Variants in MCF2L2 observed in about 807,000 individuals in gnomAD.
MCF2L2 encodes MCF.2 cell line derived transforming sequence-like 2.
MCF2L2 carries 102 observed loss-of-function variants against 150.2 expected under a neutral mutation model. The observed-to-expected ratio is 0.68, with a 90% CI of 0.58 to 0.80. The LOEUF (loss-of-function observed/expected upper bound fraction) is 0.80. Among genes scored for constraint, MCF2L2 ranks in the 30% least tolerant of loss-of-function variants. The pLI, the probability that MCF2L2 is intolerant of heterozygous loss-of-function variation, is 0.00. For missense variants in MCF2L2, 1,256 were observed against 1,372.8 expected (o/e 0.91, Z 1.34); for synonymous variants, 465 against 491.3 (o/e 0.95, Z 0.71).
chr3:183,427,943 T>TG lies in MCF2L2; in HGVS notation c.34dup (p.Gln12ProfsTer16), dbSNP rs1228175604. On this transcript the variant is annotated frameshift_variant, in exon 1 of 30. Transcript: ENST00000328913. LOFTEE classifies it high-confidence loss of function. ...TGTGGCCAGTCGCCGGGTGAGCTCCTGGGGAGGCATCTCTTCTTTTAAGCA... is the reference window on the plus strand; with the variant it reads ...TGTGGCCAGTCGCCGGGTGAGCTCCTGGGGGAGGCATCTCTTCTTTTAAGCA... The TG allele has an allele frequency of 8.1e-6, 13 of 1,613,806 alleles. No individual in the cohort carries two copies. Among genetic ancestry groups the TG allele is most frequent in the Non-Finnish European group, 1.1e-5 (13 of 1,179,908 alleles).
Position 183,295,481 on chromosome 3 carries a change from C to T in MCF2L2, c.1498-4G>A, listed in dbSNP as rs201478200. On this transcript the variant is annotated splice_region_variant and splice_polypyrimidine_tract_variant and intron_variant, in intron 12 of 29. Coordinates refer to ENST00000328913, the MANE Select transcript of MCF2L2 (RefSeq NM_015078.4). ...GCAAAACTTTCTGGGCTTTGGCCTACAGTAACAAAAGCAAATCATGATGAA... is the reference window on the plus strand; with the variant it reads ...GCAAAACTTTCTGGGCTTTGGCCTATAGTAACAAAAGCAAATCATGATGAA... The T allele has an allele frequency of 1.3e-4, 214 of 1,613,994 alleles. 1 individual carries two copies. The African/African-American group carries it at 2.1e-3, about 16-fold the overall frequency.
chr3:183,362,390 A>G (rs1418957526), intron 3 of MCF2L2, among the ~76,000 whole-genome samples: 3 of 152,150 alleles, frequency 2.0e-5, no homozygotes, highest in African/African-American at 7.2e-5. Flanking sequence ...GGCGTGAGCC[A>G]CCACACCCAG....
rs114155759 is a variant in MCF2L2, at chr3:183,401,419, A to T, written c.77-11640T>A. Among the ~76,000 whole-genome samples, 850 of 151,784 alleles carry T rather than the reference A, an allele frequency of 5.6e-3. 3 individuals carry two copies. The highest frequency in any genetic ancestry group is 0.019 in the African/African-American group (800 of 41,396). ...CAACAAGAAACTGGAAGACTTTTTTAAAAAAAAAATTTTTTTAAAGGTTTT... is the reference window on the plus strand; with the variant it reads ...CAACAAGAAACTGGAAGACTTTTTTTAAAAAAAAATTTTTTTAAAGGTTTT... On this transcript the variant is annotated intron_variant, in intron 1 of 29. Coordinates refer to ENST00000328913, the MANE Select transcript of MCF2L2 (RefSeq NM_015078.4).
chr3:183,182,606 C>T (rs1220441629), intron 27 of MCF2L2: 1 of 152,808 alleles, frequency 6.5e-6, no homozygotes, highest in Non-Finnish European at 1.5e-5. Context: ...GGAGTCTCAT[C>T]CAAGCCCTTG....
intron 3 of MCF2L2, chr3:183,377,040 T>C (rs1316362851): frequency 1.3e-5 from 2 of 152,222 alleles, no homozygotes; most frequent in Non-Finnish European, 2.9e-5. Flanking sequence ...TTTTTAAATT[T>C]TTACTTTAAG....
chr3:183,407,511 T>C (rs1715104723), intron 1 of MCF2L2, among the ~76,000 whole-genome samples: 1 of 152,212 alleles, frequency 6.6e-6, no homozygotes. Context: ...ACAGAGGTTT[T>C]GAAACCCTTA....
intron 3 of MCF2L2, among the ~76,000 whole-genome samples, chr3:183,358,621 AT>A (rs954049150): frequency 1.3e-5 from 2 of 151,980 alleles, no homozygotes; most frequent in Non-Finnish European, 2.9e-5. Context: ...GTTACGGAAA[AT>A]TTTTTGTTGT....
chr3:183,227,587 T>C lies in MCF2L2; in HGVS notation c.2115+710A>G, dbSNP rs1723390567. ...ATTGTGGGACTCTAACCTCGCTGTA[T>C]GATTCTTGTTTTAAAACGTAGTTGA... is the stretch of plus-strand genomic sequence containing the variant. On this transcript the variant is annotated intron_variant, in intron 18 of 29. Transcript: ENST00000328913. The surrounding 1 kb of genome is among the most constrained non-coding windows in gnomAD (Gnocchi z 4.0). The C allele has an allele frequency of 6.6e-6, 1 of 152,196 alleles. No individual in the cohort carries two copies. Among genetic ancestry groups the C allele is most frequent in the African/African-American group, 2.4e-5 (1 of 41,454 alleles). 9.4% of individuals were successfully genotyped at this position (152,196 alleles called of 1,614,324 possible). A position where few individuals can be genotyped will look rare whatever the true frequency, so the allele number is the denominator to read the frequency against.
intron 15 of MCF2L2, among the ~76,000 whole-genome samples, chr3:183,247,599 T>G (rs921033511): frequency 6.6e-6 from 1 of 152,196 alleles, no homozygotes; most frequent in Non-Finnish European, 1.5e-5. Context: ...ACAATTATAG[T>G]CAGTCCTCCA....
intron 2 of MCF2L2, among the ~76,000 whole-genome samples, chr3:183,388,140 A>T (rs529210907): frequency 1.2e-4 from 19 of 152,230 alleles, no homozygotes; most frequent in Admixed American, 1.2e-3. Flanking sequence ...AATAATACTC[A>T]AAGGAGATAA....
chr3:183,189,639 C>A (rs1196758503), intron 27 of MCF2L2, among the ~76,000 whole-genome samples: 3 of 152,118 alleles, frequency 2.0e-5, no homozygotes, highest in African/African-American at 7.2e-5. Flanking sequence ...AGAAATGGGT[C>A]CTGGTCATCA....
intron 11 of MCF2L2, chr3:183,297,642 C>CCCTTCCTTCCTCCCTTCCTTCCTT (rs1728595535): frequency 2.1e-5 from 3 of 146,118 alleles, no homozygotes. Flanking sequence ...CTTCCTTCCT[C>CCCTTCCTTCCTCCCTTCCTTCCTT]CCTTCCTTCC....
intron 1 of MCF2L2, among the ~76,000 whole-genome samples, chr3:183,417,412 T>C (rs948716637): frequency 3.9e-5 from 6 of 152,216 alleles, no homozygotes; most frequent in African/African-American, 1.2e-4. Flanking sequence ...AGTTGAATCA[T>C]TGTAAGCTGG....
At chr3:183,194,489 G>A (rs1490656420) in intron 26 of MCF2L2, among the ~76,000 whole-genome samples, 2 of 152,192 alleles carry the variant, frequency 1.3e-5, no homozygotes, top group Non-Finnish European at 2.9e-5. Flanking sequence ...AGCCAGAGGG[G>A]AAGCCGGAGG....
intron 20 of MCF2L2, 64 bp from the exon 21 acceptor site, chr3:183,219,988 C>A: frequency 8.4e-7 from 1 of 1,191,962 alleles, no homozygotes; most frequent in South Asian, 1.2e-5. Flanking sequence ...TGTAGATTGT[C>A]AACAAAATCT....
At chr3:183,342,534 T>C (rs1276153695) in intron 3 of MCF2L2, among the ~76,000 whole-genome samples, 1 of 152,132 alleles carries the variant, frequency 6.6e-6, no homozygotes, top group Non-Finnish European at 1.5e-5. Flanking sequence ...GGGTAGTTAC[T>C]TAACCCCTGT....
intron 3 of MCF2L2, among the ~76,000 whole-genome samples, chr3:183,365,423 A>G (rs934117907): frequency 1.3e-5 from 2 of 152,228 alleles, no homozygotes; most frequent in African/African-American, 2.4e-5. Flanking sequence ...GATTAATTTC[A>G]CTAGATATTA....
chr3:183,301,215 CCTG>C (rs1264623609), intron 10 of MCF2L2, among the ~76,000 whole-genome samples: 1 of 151,882 alleles, frequency 6.6e-6, no homozygotes, highest in Non-Finnish European at 1.5e-5. Flanking sequence ...TTATTGAGAA[CCTG>C]CTATTTGCCA....
chr3:183,291,476 A>G (rs1728140148), intron 13 of MCF2L2, among the ~76,000 whole-genome samples: 2 of 152,268 alleles, frequency 1.3e-5, no homozygotes, highest in African/African-American at 4.8e-5. Context: ...TTATTGCCAC[A>G]TGGCACTAAA....
Sources: gnomAD v4.1 joint callset for allele counts (sites outside exome capture counted in the v4.1 genomes callset) on GRCh38, gnomAD v4.1.1 for gene constraint, Gnocchi (gnomAD v3.1) non-coding constraint, MANE v1.5 for transcripts, NCBI Gene and HGNC (gene_info 2026-07-23, HGNC 2026-07-21) for gene names.